The following IL31RA variants were observed in gnomAD, a reference collection of about 807,000 sequenced individuals.
IL31RA encodes the protein interleukin-31 receptor subunit alpha.
Under a neutral mutation model 83.7 loss-of-function variants are expected in IL31RA, and 66 were observed. The observed-to-expected ratio is 0.79, with a 90% CI of 0.65 to 0.97. IL31RA has a LOEUF of 0.97. IL31RA is among the 50% of genes least tolerant of loss of function. The pLI, the probability that IL31RA is intolerant of heterozygous loss-of-function variation, is 0.00. For missense variants in IL31RA, 798 were observed against 919.4 expected (o/e 0.87, Z 1.71); for synonymous variants, 325 against 329.0 (o/e 0.99, Z 0.13).
At chr5:55,885,558 A>G (rs1747540818) in intron 5 of IL31RA, among the ~76,000 whole-genome samples, 1 of 152,202 alleles carries the variant, frequency 6.6e-6, no homozygotes, top group Non-Finnish European at 1.5e-5. Context: ...CTCCCAGTGC[A>G]CAGGCGGGTC....
At chr5:55,844,300 T>G in the IL31RA span, among the ~76,000 whole-genome samples, 2 of 152,164 alleles carry the variant, frequency 1.3e-5, no homozygotes, top group East Asian at 3.8e-4. Context: ...ATTGAGATAA[T>G]TTGTTGCCGG....
intron 8 of IL31RA, among the ~76,000 whole-genome samples, chr5:55,900,396 T>G (rs1332553482): frequency 2.0e-5 from 3 of 152,234 alleles, no homozygotes; most frequent in Non-Finnish European, 4.4e-5. Flanking sequence ...AAGTTCTGTG[T>G]GCAGCTTTGA....
At position 55,907,471 on chromosome 5, in the gene IL31RA, A is replaced by T; in HGVS notation, c.1354+11A>T. 1 of 1,563,534 alleles carries T rather than the reference A, an allele frequency of 6.4e-7. No individual in the cohort carries two copies. Among genetic ancestry groups the T allele is most frequent in the Non-Finnish European group, 8.8e-7 (1 of 1,133,690 alleles). ...ATGCCAAAGAAGGCGGTATGAATGG[A>T]CAAGACCCTGTGGGGAAAAGGAAAC... On this transcript the variant is annotated intron_variant, in intron 10 of 14. Transcript: ENST00000652347.
chr5:55,898,541 AAG>A (rs2112516575), intron 7 of IL31RA, among the ~76,000 whole-genome samples: 1 of 151,610 alleles, frequency 6.6e-6, no homozygotes, highest in East Asian at 1.9e-4. Flanking sequence ...TTATTTAAAA[AAG>A]TTATTTAAAA....
At chr5:55,839,804 C>G in the IL31RA span, 1 of 766,824 alleles carries the variant, frequency 1.3e-6, no homozygotes, top group East Asian at 2.4e-5. Flanking sequence ...CATAGTTTCT[C>G]TGTCCTTTTT....
upstream of IL31RA, among the ~76,000 whole-genome samples, chr5:55,848,216 A>G (rs1209293919): frequency 6.6e-6 from 1 of 152,182 alleles, no homozygotes; most frequent in Non-Finnish European, 1.5e-5. Context: ...AACTTCATTC[A>G]CTTCTTAAAG....
chr5:55,846,897 T>A (rs959977713), upstream of IL31RA, among the ~76,000 whole-genome samples: 8 of 152,196 alleles, frequency 5.3e-5, no homozygotes, highest in African/African-American at 1.9e-4. Flanking sequence ...TGCCCTATTA[T>A]ACTTTCTGGA....
At chr5:55,878,461 C>A (rs1269680732) in intron 4 of IL31RA, among the ~76,000 whole-genome samples, 2 of 152,304 alleles carry the variant, frequency 1.3e-5, no homozygotes, top group African/African-American at 4.8e-5. Flanking sequence ...TTGGAAAAAA[C>A]AGCTACCTCT....
chr5:55,853,920 A>G (rs1414258504), intron 1 of IL31RA, among the ~76,000 whole-genome samples: 1 of 152,196 alleles, frequency 6.6e-6, no homozygotes, highest in Non-Finnish European at 1.5e-5. Context: ...GAGAGAGTAA[A>G]TCACTAATAG....
intron 1 of IL31RA, among the ~76,000 whole-genome samples, chr5:55,854,944 A>T (rs1338862129): frequency 6.6e-6 from 1 of 152,092 alleles, no homozygotes; most frequent in East Asian, 1.9e-4. Context: ...ATAAACATTT[A>T]AAAGAGACTG....
At position 55,851,460 on chromosome 5, in the gene IL31RA, A is replaced by T. The variant is rs1745062742; in HGVS notation, c.-111A>T. On this transcript the variant is annotated 5_prime_UTR_variant, in exon 1 of 15. Transcript: ENST00000652347. ...CATAAAAGGCAAAAAATTGCAAAAA[A>T]AAATAGTAATAACCAGCATGGCACT... 1 of 1,605,358 alleles carries T rather than the reference A, an allele frequency of 6.2e-7. No individual in the cohort carries two copies. The highest frequency in any genetic ancestry group is 8.5e-7 in the Non-Finnish European group (1 of 1,174,604).
In IL31RA at chr5:55,922,182, G is replaced by A. The variant is rs1750125105; in HGVS notation, c.*5062G>A. 6.6e-6 allele frequency among the ~76,000 whole-genome samples: 1 copy of A among 151,932 alleles called. No individual in the cohort carries two copies. Among genetic ancestry groups the A allele is most frequent in the Non-Finnish European group, 1.5e-5 (1 of 67,998 alleles). ...AGCACAAACAGCTCCAATCCATGCT[G>A]GAAGAGACCCCAGGCCACAATAGCC... On this transcript the variant is annotated 3_prime_UTR_variant, in exon 15 of 15. Transcript: ENST00000652347.
chr5:55,904,698 C>T (rs1332568643), intron 8 of IL31RA, among the ~76,000 whole-genome samples: 2 of 152,188 alleles, frequency 1.3e-5, no homozygotes, highest in South Asian at 4.1e-4. Context: ...CTGTGGCTTA[C>T]AAGAACAAGA....
intron 10 of IL31RA, among the ~76,000 whole-genome samples, chr5:55,907,866 C>T (rs1025927718): frequency 1.3e-5 from 2 of 152,184 alleles, no homozygotes; most frequent in Non-Finnish European, 2.9e-5. Context: ...GTGAATTGCT[C>T]AAGCTTTACT....
At position 55,922,470 on chromosome 5, in the gene IL31RA, A is replaced by G; in HGVS notation, c.*5350A>G. On this transcript the variant is annotated 3_prime_UTR_variant, in exon 15 of 15. Coordinates refer to ENST00000652347, the MANE Select transcript of IL31RA (RefSeq NM_139017.7). ...ATGCGAGAAAGGTGTCCTGTGGTCT[A>G]TGCAAATTAGAAAGGACATGCAGAG... 6.6e-7 allele frequency: 1 copy of G among 1,523,322 alleles called. No homozygotes were observed. Among genetic ancestry groups the G allele is most frequent in the Non-Finnish European group, 8.9e-7 (1 of 1,122,578 alleles). 94.4% of individuals were successfully genotyped at this position (1,523,322 alleles called of 1,614,324 possible). A position where few individuals can be genotyped will look rare whatever the true frequency, so the allele number is the denominator to read the frequency against.
In IL31RA at chr5:55,917,740, C is replaced by T. The variant is rs913996999; in HGVS notation, c.*620C>T. Among the ~76,000 whole-genome samples, 1 of 151,876 alleles carries T rather than the reference C, an allele frequency of 6.6e-6. No individual in the cohort carries two copies. The highest frequency in any genetic ancestry group is 2.4e-5 in the African/African-American group (1 of 41,154). On this transcript the variant is annotated 3_prime_UTR_variant, in exon 15 of 15. Transcript: ENST00000652347. ...CAACACCGCACCTGAGAATCCTCAC[C>T]CCCAATTTAGACTGCATTGACTACT...
rs1367599638 is a variant in IL31RA, at chr5:55,913,578, T to C, written c.1736+8T>C. The C allele has an allele frequency of 6.3e-7, 1 of 1,579,574 alleles. No homozygotes were observed. The highest frequency in any genetic ancestry group is 2.2e-5 in the East Asian group (1 of 44,670). On this transcript the variant is annotated splice_region_variant and intron_variant, in intron 13 of 14. Coordinates refer to ENST00000652347, the MANE Select transcript of IL31RA (RefSeq NM_139017.7). ...TGGTCTCAAAAAACCCAAGTGAGTC[T>C]GCAGACAACAGTGGGTGCCTTAAAA... is the stretch of plus-strand genomic sequence containing the variant.
Position 55,863,192 on chromosome 5 carries a change from G to A in IL31RA, c.154+3593G>A, listed in dbSNP as rs117736980. 1.4e-4 allele frequency among the ~76,000 whole-genome samples: 22 copies of A among 152,310 alleles called. No homozygotes were observed. The East Asian group carries it at 4.0e-3, about 28-fold the overall frequency. ...CCAGTTTCCCTCAACCCCCTAATCT[G>A]TGATAAAATGAATCTAAAATCCTCA... On this transcript the variant is annotated intron_variant, in intron 2 of 14. Coordinates refer to ENST00000652347, the MANE Select transcript of IL31RA (RefSeq NM_139017.7).
At chr5:55,906,347 AT>A in intron 9 of IL31RA, 59 bp downstream of exon 9, 1 of 1,522,238 alleles carries the variant, frequency 6.6e-7, no homozygotes, top group Non-Finnish European at 9.1e-7. Flanking sequence ...ATTTTCATCC[AT>A]TTTTAGATCT....
Sources: allele counts gnomAD v4.1 joint callset (sites outside exome capture counted in the v4.1 genomes callset), GRCh38; gene constraint gnomAD v4.1.1; transcripts MANE v1.5; gene names NCBI Gene and HGNC (gene_info 2026-07-23, HGNC 2026-07-21).